Variants in RBPJ observed in about 807,000 individuals in gnomAD.
RBPJ encodes recombination signal binding protein for immunoglobulin kappa J region, also known as recombining binding protein suppressor of hairless.
A neutral mutation model predicts 67.8 loss-of-function variants in RBPJ; 9 were observed. The observed-to-expected ratio is 0.13, with a 90% CI of 0.08 to 0.23. The LOEUF (loss-of-function observed/expected upper bound fraction) is 0.23. Among genes scored for constraint, RBPJ ranks in the 10% least tolerant of loss-of-function variants. The pLI is 1.00. For missense variants in RBPJ, 305 were observed against 595.6 expected, an observed-to-expected ratio of 0.51 and a Z score of 5.08; for synonymous variants, 198 against 203.3, an observed-to-expected ratio of 0.97 and a Z score of 0.22.
At chr4:26,314,054 A>G (rs979121464) in intron 1 of RBPJ, among the ~76,000 whole-genome samples, 2 of 152,154 alleles carry the variant, frequency 1.3e-5, no homozygotes, top group Non-Finnish European at 2.9e-5. Context: ...CCAGCTGTAG[A>G]GTCCTTTATA....
At chr4:26,109,489 T>C in the RBPJ span, among the ~76,000 whole-genome samples, 5,370 of 46,438 alleles carry the variant, frequency 0.12, 1,175 homozygotes, top group African/African-American at 0.25. Context: ...TATATATATA[T>C]ATACACACAC....
chr4:26,356,316 T>C (rs1419416252), intron 1 of RBPJ, among the ~76,000 whole-genome samples: 8 of 152,356 alleles, frequency 5.3e-5, no homozygotes, highest in South Asian at 4.1e-4. Flanking sequence ...GTGTAGCTAC[T>C]GCCATTCAGC....
At chr4:26,229,980 G>C (rs1217159640) in intron 1 of RBPJ, among the ~76,000 whole-genome samples, 1 of 152,098 alleles carries the variant, frequency 6.6e-6, no homozygotes, top group Non-Finnish European at 1.5e-5. Context: ...CTTGAGCCCA[G>C]GGGTTGGAGA....
chr4:26,409,341 C>T (rs1390398444), intron 3 of RBPJ, among the ~76,000 whole-genome samples: 2 of 151,914 alleles, frequency 1.3e-5, no homozygotes, highest in South Asian at 2.1e-4. Context: ...TCAAGGTGGG[C>T]GGATCACCTG....
At chr4:26,255,202 G>A (rs529827612) in intron 1 of RBPJ, among the ~76,000 whole-genome samples, 1,310 of 114,098 alleles carry the variant, frequency 0.011, 4 homozygotes, top group Middle Eastern at 0.074. Flanking sequence ...CAGGAGATCG[G>A]GACCATCCTG....
the RBPJ span, among the ~76,000 whole-genome samples, chr4:26,109,501 C>CACACATAT: frequency 2.0e-4 from 10 of 49,222 alleles, no homozygotes; most frequent in African/African-American, 5.0e-4. Flanking sequence ...TACACACACA[C>CACACATAT]ATATATATAT....
At chr4:26,189,786 AAATC>A in intron 1 of RBPJ, among the ~76,000 whole-genome samples, 1 of 152,372 alleles carries the variant, frequency 6.6e-6, no homozygotes, top group Non-Finnish European at 1.5e-5. Context: ...TTTATCATGG[AAATC>A]TTAATAGTTC....
At chr4:26,343,145 T>G (rs1271335667) in intron 1 of RBPJ, 1 of 152,208 alleles carries the variant, frequency 6.6e-6, no homozygotes, top group African/African-American at 2.4e-5. Flanking sequence ...ATTCTGTGTT[T>G]GTTATTGTGA....
chr4:26,257,182 T>G (rs1016525009), intron 1 of RBPJ, among the ~76,000 whole-genome samples: 4 of 152,242 alleles, frequency 2.6e-5, no homozygotes, highest in African/African-American at 7.2e-5. Flanking sequence ...ACTAGTCTGA[T>G]GGGGTAGGTA....
At chr4:26,377,024 G>A (rs891075723) in intron 1 of RBPJ, among the ~76,000 whole-genome samples, 1 of 151,974 alleles carries the variant, frequency 6.6e-6, no homozygotes, top group African/African-American at 2.4e-5. Flanking sequence ...ATCCTGTATC[G>A]ATATTTGATT....
intron 2 of RBPJ, among the ~76,000 whole-genome samples, chr4:26,391,305 T>C (rs1731477828): frequency 6.6e-6 from 1 of 152,244 alleles, no homozygotes; most frequent in Admixed American, 6.5e-5. Flanking sequence ...AGTAGACCAT[T>C]GTGACAGAAT....
intron 1 of RBPJ, among the ~76,000 whole-genome samples, chr4:26,169,510 C>T (rs528967297): frequency 2.6e-5 from 4 of 152,300 alleles, no homozygotes; most frequent in East Asian, 1.9e-4. Flanking sequence ...TTAGGCTGCT[C>T]GGGGGTCAGG....
intron 1 of RBPJ, among the ~76,000 whole-genome samples, chr4:26,336,436 A>G (rs889939103): frequency 2.6e-5 from 4 of 152,108 alleles, no homozygotes; most frequent in African/African-American, 9.7e-5. Flanking sequence ...ATAGCTGGAG[A>G]TTAAGAGTTG....
intron 1 of RBPJ, among the ~76,000 whole-genome samples, chr4:26,255,669 G>A (rs1348213588): frequency 6.6e-6 from 1 of 151,352 alleles, no homozygotes; most frequent in Admixed American, 6.6e-5. Flanking sequence ...AGGCGTGGTG[G>A]CAGGTGCCTG....
At chr4:26,307,136 G>A (rs1412573437) in intron 1 of RBPJ, among the ~76,000 whole-genome samples, 1 of 152,178 alleles carries the variant, frequency 6.6e-6, no homozygotes, top group East Asian at 1.9e-4. Flanking sequence ...CATACCCTCC[G>A]AGGCACATCT....
intron 1 of RBPJ, among the ~76,000 whole-genome samples, chr4:26,169,232 T>C (rs866626632): frequency 6.6e-6 from 1 of 152,150 alleles, no homozygotes; most frequent in Non-Finnish European, 1.5e-5. Flanking sequence ...ATGATGGTGA[T>C]GTACAGATGG....
At chr4:26,116,396 C>G in the RBPJ span, among the ~76,000 whole-genome samples, 1 of 152,236 alleles carries the variant, frequency 6.6e-6, no homozygotes, top group Non-Finnish European at 1.5e-5. Flanking sequence ...AGCCAAATCT[C>G]TCAAGGAGTA....
At chr4:26,395,399 G>A (rs987564604) in intron 2 of RBPJ, among the ~76,000 whole-genome samples, 9 of 152,120 alleles carry the variant, frequency 5.9e-5, no homozygotes, top group Non-Finnish European at 1.3e-4. Flanking sequence ...GCAGTGAGCC[G>A]GATTGTGCCA....
At chr4:26,291,389 T>C (rs1033507472) in intron 1 of RBPJ, among the ~76,000 whole-genome samples, 4 of 150,814 alleles carry the variant, frequency 2.7e-5, no homozygotes, top group Non-Finnish European at 5.9e-5. Flanking sequence ...CACAAAGTTG[T>C]CATTTAGAGT....
Sources: allele counts gnomAD v4.1 joint callset (sites outside exome capture counted in the v4.1 genomes callset), GRCh38; gene constraint gnomAD v4.1.1; transcripts MANE v1.5; gene names NCBI Gene and HGNC (gene_info 2026-07-23, HGNC 2026-07-21).